IGSF21: variants seen among roughly 807,000 people sequenced by gnomAD.
IGSF21 encodes immunoglobin superfamily member 21, also known as immunoglobulin superfamily member 21.
IGSF21 carries 28 observed loss-of-function variants against 46.8 expected under a neutral mutation model. The observed-to-expected ratio is 0.60, with a 90% CI of 0.44 to 0.82. The LOEUF (loss-of-function observed/expected upper bound fraction) is 0.82, where lower values mean the gene tolerates loss of function less well. Ranked by LOEUF, IGSF21 falls within the 40% of genes least tolerant of loss-of-function variation. The pLI is 0.00. For missense variants in IGSF21, 624 were observed against 665.5 expected, an observed-to-expected ratio of 0.94 and a Z score of 0.69; for synonymous variants, 284 against 273.6, an observed-to-expected ratio of 1.04 and a Z score of -0.38.
intron 3 of IGSF21, among the ~76,000 whole-genome samples, chr1:18,323,234 T>C (rs1258659207): frequency 6.6e-6 from 1 of 152,116 alleles, no homozygotes; most frequent in African/African-American, 2.4e-5. Flanking sequence ...GTCTGGGGTG[T>C]CCCTCTAGTC....
intron 1 of IGSF21, among the ~76,000 whole-genome samples, chr1:18,119,461 A>G (rs2086214096): frequency 6.6e-6 from 1 of 152,234 alleles, no homozygotes; most frequent in African/African-American, 2.4e-5. Flanking sequence ...TGATGACGGT[A>G]TTGGACAGTG....
chr1:18,296,207 T>G (rs2085311113), intron 3 of IGSF21, among the ~76,000 whole-genome samples: 1 of 152,184 alleles, frequency 6.6e-6, no homozygotes, highest in African/African-American at 2.4e-5. Context: ...CTGGGACCCC[T>G]TCTCACATAA....
intron 1 of IGSF21, among the ~76,000 whole-genome samples, chr1:18,225,438 A>C (rs964169051): frequency 2.6e-5 from 4 of 151,946 alleles, no homozygotes; most frequent in African/African-American, 4.8e-5. Context: ...CAATTCCCTC[A>C]TGGCTTGCCA....
chr1:18,256,984 T>C (rs2084899205), intron 2 of IGSF21, among the ~76,000 whole-genome samples: 1 of 152,164 alleles, frequency 6.6e-6, no homozygotes, highest in Non-Finnish European at 1.5e-5. Flanking sequence ...CCCATCTCAG[T>C]TGCCTCCTCT....
intron 1 of IGSF21, among the ~76,000 whole-genome samples, 195 bp downstream of exon 1, chr1:18,108,393 G>GGT (rs138052984): frequency 5.5e-4 from 81 of 146,102 alleles, no homozygotes; most frequent in Admixed American, 1.1e-3. Context: ...TTTGTGCCAG[G>GGT]GTGTGTGTGT....
At chr1:18,288,394 T>G (rs2085235489) in intron 2 of IGSF21, among the ~76,000 whole-genome samples, 2 of 152,248 alleles carry the variant, frequency 1.3e-5, no homozygotes, top group South Asian at 4.1e-4. Context: ...AGCCATCATC[T>G]TACTGACTCT....
chr1:18,289,104 C>T (rs1298034358), intron 2 of IGSF21, among the ~76,000 whole-genome samples: 2 of 151,768 alleles, frequency 1.3e-5, no homozygotes, highest in African/African-American at 2.4e-5. Flanking sequence ...TCAGTCTCGG[C>T]GAATAAATTT....
chr1:18,151,741 C>T (rs1437784640), intron 1 of IGSF21, among the ~76,000 whole-genome samples: 3 of 151,984 alleles, frequency 2.0e-5, no homozygotes, highest in East Asian at 1.9e-4. Context: ...CTGTGGGGGG[C>T]GGGTCTTGGA....
At chr1:18,360,847 A>G (rs2086092411) in intron 4 of IGSF21, among the ~76,000 whole-genome samples, 1 of 152,194 alleles carries the variant, frequency 6.6e-6, no homozygotes, top group South Asian at 2.1e-4. Context: ...ATTCCCATTT[A>G]GCAAATTGGG....
intron 1 of IGSF21, among the ~76,000 whole-genome samples, chr1:18,152,766 C>T (rs1037281424): frequency 2.0e-5 from 3 of 152,154 alleles, no homozygotes; most frequent in Admixed American, 6.6e-5. Flanking sequence ...GACAGCTCCC[C>T]AGTTCCTAGT....
At chr1:18,233,367 G>T (rs1023842912) in intron 2 of IGSF21, among the ~76,000 whole-genome samples, 2 of 152,126 alleles carry the variant, frequency 1.3e-5, no homozygotes, top group Non-Finnish European at 2.9e-5. Flanking sequence ...TGCAATGAGG[G>T]TTTGTGGTTG....
At chr1:18,363,928 A>G (rs981675705) in intron 5 of IGSF21, among the ~76,000 whole-genome samples, 1 of 152,194 alleles carries the variant, frequency 6.6e-6, no homozygotes, top group Non-Finnish European at 1.5e-5. Context: ...CCAGTTGCTG[A>G]AAGCAGGACA....
chr1:18,133,511 T>A (rs2086340760), intron 1 of IGSF21, among the ~76,000 whole-genome samples: 1 of 152,210 alleles, frequency 6.6e-6, no homozygotes, highest in Non-Finnish European at 1.5e-5. Flanking sequence ...TCCAGTGGGA[T>A]CATCTGAGCA....
At chr1:18,362,028 T>A in intron 4 of IGSF21, 87 bp from the exon 5 acceptor site, 68 of 802,352 alleles carry the variant, frequency 8.5e-5, no homozygotes, top group Non-Finnish European at 1.1e-4. Flanking sequence ...GCACCCAGCA[T>A]GGACGTGGCC....
chr1:18,247,562 C>T (rs1310100047), intron 2 of IGSF21, among the ~76,000 whole-genome samples: 1 of 152,158 alleles, frequency 6.6e-6, no homozygotes, highest in African/African-American at 2.4e-5. Flanking sequence ...TGGCAGGTCA[C>T]TGGCCTGTCA....
intron 2 of IGSF21, among the ~76,000 whole-genome samples, chr1:18,247,790 G>C (rs1475248893): frequency 6.6e-6 from 1 of 152,184 alleles, no homozygotes; most frequent in Admixed American, 6.5e-5. Flanking sequence ...GGTGGGTACT[G>C]TCATTGTCCC....
intron 4 of IGSF21, among the ~76,000 whole-genome samples, chr1:18,341,750 A>G (rs373606341): frequency 1.1e-4 from 16 of 152,344 alleles, no homozygotes; most frequent in African/African-American, 3.8e-4. Context: ...CCAGAAGTTT[A>G]CCAATGAGTA....
intron 1 of IGSF21, among the ~76,000 whole-genome samples, chr1:18,180,013 C>A (rs944568104): frequency 5.3e-5 from 8 of 152,168 alleles, no homozygotes; most frequent in Admixed American, 4.6e-4. Context: ...TTGAGTGACT[C>A]GCTCTCCCTT....
intron 2 of IGSF21, among the ~76,000 whole-genome samples, chr1:18,260,230 A>G (rs1264547504): frequency 6.6e-6 from 1 of 152,220 alleles, no homozygotes; most frequent in Non-Finnish European, 1.5e-5. Context: ...TGAAAGCCCA[A>G]TGTCTGTCGA....
Sources: gnomAD v4.1 joint callset for allele counts (sites outside exome capture counted in the v4.1 genomes callset) on GRCh38, gnomAD v4.1.1 for gene constraint, MANE v1.5 for transcripts, NCBI Gene and HGNC (gene_info 2026-07-23, HGNC 2026-07-21) for gene names.